SNRPN: variants seen among roughly 807,000 people sequenced by gnomAD.
SNRPN encodes small nuclear ribonucleoprotein polypeptide N.
In SNRPN, 7 loss-of-function variants were observed where a neutral mutation model predicts 25.2. The observed-to-expected ratio is 0.28, with a 90% confidence interval of 0.16 to 0.52. SNRPN has a LOEUF of 0.52. Among genes scored for constraint, SNRPN ranks in the 20% least tolerant of loss-of-function variants. The pLI, the probability that SNRPN is intolerant of heterozygous loss-of-function variation, is 0.96. For synonymous variants in SNRPN, 124 were observed against 110.6 expected, an observed-to-expected ratio of 1.12 and a Z score of -0.76; for missense variants, 196 against 322.5, an observed-to-expected ratio of 0.61 and a Z score of 3.00.
At chr15:24,913,759 C>A (rs978169694) in intron 2 of SNRPN, among the ~76,000 whole-genome samples, 1 of 152,088 alleles carries the variant, frequency 6.6e-6, no homozygotes, top group African/African-American at 2.4e-5. Flanking sequence ...TAAAGATTAA[C>A]AAGAGAAAAG....
chr15:24,894,277 G>T (rs2057914866), intron 2 of SNRPN, among the ~76,000 whole-genome samples: 1 of 151,760 alleles, frequency 6.6e-6, no homozygotes, highest in South Asian at 2.1e-4. Context: ...GGAGCGCAGT[G>T]GTGTGATCTC....
chr15:24,864,108 G>A (rs1442746723), intron 1 of SNRPN, among the ~76,000 whole-genome samples: 3 of 147,804 alleles, frequency 2.0e-5, no homozygotes, highest in Admixed American at 6.7e-5. Context: ...CTTACTGCAA[G>A]CTCCGCCTCC....
chr15:24,974,265 A>C, intron 3 of SNRPN, 46 bp from the exon 4 acceptor site: 2 of 604,554 alleles, frequency 3.3e-6, no homozygotes, highest in South Asian at 4.1e-5. Context: ...GCCTGTTTTA[A>C]AACATGGTAG....
intron 2 of SNRPN, among the ~76,000 whole-genome samples, chr15:24,902,140 A>G (rs1460194905): frequency 6.6e-6 from 1 of 152,206 alleles, no homozygotes; most frequent in Non-Finnish European, 1.5e-5. Context: ...TTGAGTGATC[A>G]TGTTCTTTGT....
intron 3 of SNRPN, among the ~76,000 whole-genome samples, chr15:24,934,072 C>T (rs1054835319): frequency 5.3e-5 from 8 of 151,944 alleles, no homozygotes; most frequent in Admixed American, 2.0e-4. Flanking sequence ...CCGAGGCGGG[C>T]GAATCACCTG....
intron 3 of SNRPN, among the ~76,000 whole-genome samples, chr15:24,972,383 C>T (rs1186496981): frequency 6.6e-6 from 1 of 151,980 alleles, no homozygotes; most frequent in African/African-American, 2.4e-5. Flanking sequence ...AACTCTTACT[C>T]ATATTTAGGA....
chr15:24,912,491 A>G (rs2059275446), intron 2 of SNRPN: 1 of 152,176 alleles, frequency 6.6e-6, no homozygotes, highest in Admixed American at 6.6e-5. Flanking sequence ...GAGTTAAGAC[A>G]TTTTGGAGTT....
chr15:24,974,217 A>G, intron 3 of SNRPN, 94 bp from the exon 4 acceptor site: 1 of 545,890 alleles, frequency 1.8e-6, no homozygotes, highest in Non-Finnish European at 3.3e-6. Flanking sequence ...GATGTTTTTG[A>G]ACGTGTCTGT....
intron 3 of SNRPN, among the ~76,000 whole-genome samples, chr15:24,930,900 GAA>G (rs997199848): frequency 3.2e-5 from 4 of 125,906 alleles, no homozygotes; most frequent in Non-Finnish European, 3.4e-5. Flanking sequence ...GTCTGTCTCA[GAA>G]AAAAAAAAAA....
chr15:24,847,160 T>C (rs1412447271), intron 2 of SNRPN, among the ~76,000 whole-genome samples: 1 of 152,114 alleles, frequency 6.6e-6, no homozygotes, highest in African/African-American at 2.4e-5. Context: ...AATTTCACCT[T>C]ACCAGCATTT....
At chr15:24,965,511 G>C (rs1165111585) in intron 2 of SNRPN, among the ~76,000 whole-genome samples, 1 of 152,024 alleles carries the variant, frequency 6.6e-6, no homozygotes, top group Non-Finnish European at 1.5e-5. Flanking sequence ...GCTGTGCCTG[G>C]GTGACATAGC....
chr15:24,848,258 G>GGGCGGCGGCGGC (rs71312669), intron 2 of SNRPN: 1 of 124,148 alleles, frequency 8.1e-6, no homozygotes, highest in Non-Finnish European at 1.8e-5. Context: ...GCGGGGGCGG[G>GGGCGGCGGCGGC]GGCGGGGGCG....
rs539595828 is a variant in SNRPN, at chr15:24,929,684, A to G, written c.-391+9560A>G. ...CACGACTTCCTAAAAAGGCATAAACACATTTTCTTCCAAGTGGAGTCCAGC... is the reference window on the plus strand; with the variant it reads ...CACGACTTCCTAAAAAGGCATAAACGCATTTTCTTCCAAGTGGAGTCCAGC... On this transcript the variant is annotated intron_variant, in intron 3 of 11. Coordinates refer to the SNRPN transcript ENST00000400097. The surrounding 1 kb of genome is among the most constrained non-coding windows in gnomAD (Gnocchi z 5.3). Among the ~76,000 whole-genome samples the G allele has an allele frequency of 6.0e-4, 91 of 152,084 alleles. No individual in the cohort carries two copies. The highest frequency in any genetic ancestry group is 2.1e-3 in the African/African-American group (88 of 41,492).
At chr15:24,918,708 A>G (rs2059764455) in intron 2 of SNRPN, among the ~76,000 whole-genome samples, 1 of 112,452 alleles carries the variant, frequency 8.9e-6, no homozygotes, top group Non-Finnish European at 1.7e-5. Context: ...ATATGTGTGC[A>G]TATATATAAC....
Position 24,825,016 on chromosome 15 carries a change from T to A in SNRPN, c.-687+1166T>A, listed in dbSNP as rs1194415554. Among the ~76,000 whole-genome samples the A allele has an allele frequency of 2.6e-5, 4 of 152,224 alleles. No individual in the cohort carries two copies. In the East Asian group the frequency reaches 7.7e-4, roughly 29 times the overall value. ...TATACAAGTAATGAAATCCTCAATC[T>A]TATGGTCTAAAAGCGATTCTGGGGG... is the stretch of plus-strand genomic sequence containing the variant. On this transcript the variant is annotated intron_variant, in intron 1 of 12. Transcript: ENST00000400100.
chr15:24,977,904 A>T lies in SNRPN; in HGVS notation c.547A>T (p.Thr183Ser), dbSNP rs369210394. 1 of 1,566,844 alleles carries T rather than the reference A, an allele frequency of 6.4e-7. No homozygotes were observed. Among genetic ancestry groups the T allele is most frequent in the Non-Finnish European group, 8.6e-7 (1 of 1,157,466 alleles). Reference sequence around the variant, plus strand: ...TCCGCCCCCACCCGTCGGCAGAGCAACCCCACCTCCAGGTAAGGGATTGGT... The same window carrying T: ...TCCGCCCCCACCCGTCGGCAGAGCATCCCCACCTCCAGGTAAGGGATTGGT... ...GTPPPPVGRA[T>S]PPPGIMAPPP... Residue 183 changes from threonine (T) to serine (S), a missense_variant, in exon 8 of 10, where the codon ACC becomes TCC. Coordinates refer to ENST00000390687, the MANE Select transcript of SNRPN (RefSeq NM_003097.6).
intron 2 of SNRPN, 22 bp from the exon 3 acceptor site, chr15:24,967,910 A>G (rs1488661995): frequency 2.5e-6 from 4 of 1,589,326 alleles, no homozygotes; most frequent in South Asian, 1.1e-5. Context: ...TATCATTTAT[A>G]TATATTGTGC....
At chr15:24,956,357 G>C (rs931458936) in intron 1 of SNRPN, among the ~76,000 whole-genome samples, 1 of 151,704 alleles carries the variant, frequency 6.6e-6, no homozygotes, top group Admixed American at 6.6e-5. Flanking sequence ...GCTTCAGCGG[G>C]GGGGTGGCCG....
At chr15:24,824,513 T>A (rs939167783) in intron 1 of SNRPN, among the ~76,000 whole-genome samples, 2 of 152,108 alleles carry the variant, frequency 1.3e-5, no homozygotes, top group African/African-American at 4.8e-5. Flanking sequence ...GTGATTAGTT[T>A]GCACTGAAAT....
Sources: allele counts gnomAD v4.1 joint callset (sites outside exome capture counted in the v4.1 genomes callset), GRCh38; gene constraint gnomAD v4.1.1; non-coding constraint Gnocchi (gnomAD v3.1); transcripts MANE v1.5; gene names NCBI Gene and HGNC (gene_info 2026-07-23, HGNC 2026-07-21).